GSTA2: variants seen among roughly 807,000 people sequenced by gnomAD.
GSTA2 encodes the protein glutathione S-transferase A2.
In GSTA2, 27 loss-of-function variants were observed where a neutral mutation model predicts 22.4. The ratio of observed to expected loss-of-function variants is 1.21; its 90% CI spans 0.89 to 1.67. The LOEUF (loss-of-function observed/expected upper bound fraction) is 1.67. GSTA2 is among the 40% of genes most tolerant of loss of function. The probability of loss-of-function intolerance (pLI) is 0.00; values close to 1 mark genes in which losing one functional copy is unlikely to be tolerated. For synonymous variants in GSTA2, 121 were observed against 86.8 expected (o/e 1.39, Z -2.19); for missense variants, 302 against 260.2 (o/e 1.16, Z -1.11).
At chr6:52,751,535 G>A (rs187741040) in intron 6 of GSTA2, 42 bp downstream of exon 6, 5 of 1,613,134 alleles carry the variant, frequency 3.1e-6, no homozygotes, top group East Asian at 2.2e-5. Flanking sequence ...CCCAAGATGG[G>A]AGATGTGGGT....
intron 6 of GSTA2, among the ~76,000 whole-genome samples, chr6:52,751,003 T>G (rs73740506): frequency 0.018 from 2,718 of 152,338 alleles, 86 homozygotes; most frequent in African/African-American, 0.061. Context: ...ATGTGCTTGT[T>G]TGATATCAGC....
At chr6:52,755,245 C>G (rs1762818537) in intron 3 of GSTA2, among the ~76,000 whole-genome samples, 170 bp from the exon 4 acceptor site, 1 of 137,522 alleles carries the variant, frequency 7.3e-6, no homozygotes, top group African/African-American at 2.8e-5. Context: ...GGCAGAGTAT[C>G]ATTCTGTTGT....
chr6:52,760,076 A>G (rs991589137), intron 1 of GSTA2, among the ~76,000 whole-genome samples: 2 of 152,230 alleles, frequency 1.3e-5, no homozygotes, highest in African/African-American at 4.8e-5. Context: ...TGATAACTCC[A>G]GGAGTAAATT....
chr6:52,757,950 T>C lies in GSTA2; in HGVS notation c.-3A>G. 6.2e-7 allele frequency: 1 copy of C among 1,609,454 alleles called. No individual in the cohort carries two copies. Among genetic ancestry groups the C allele is most frequent in the Non-Finnish European group, 8.5e-7 (1 of 1,175,938 alleles). ...TGGAGCTTGGGCTTCTCTGCCATGG[T>C]AGCAGTCTCCTGGAGGTTTCTCTAA... is the stretch of plus-strand genomic sequence containing the variant. On this transcript the variant is annotated 5_prime_UTR_variant, in exon 2 of 7. Transcript: ENST00000493422.
chr6:52,754,913 G>A, intron 4 of GSTA2, 30 bp downstream of exon 4: 1 of 1,612,058 alleles, frequency 6.2e-7, no homozygotes, highest in East Asian at 2.2e-5. Flanking sequence ...TATGTTCTCT[G>A]TGGATGGAAG....
chr6:52,755,209 AAAC>A (rs1161883794), intron 3 of GSTA2, 134 bp from the exon 4 acceptor site: 21 of 1,194,674 alleles, frequency 1.8e-5, no homozygotes. Context: ...AGTTCACTTG[AAAC>A]AACTTTTTTT....
intron 1 of GSTA2, among the ~76,000 whole-genome samples, chr6:52,761,309 A>G (rs1420078205): frequency 2.0e-5 from 3 of 152,264 alleles, no homozygotes; most frequent in Middle Eastern, 3.4e-3. Context: ...TTTACCAACC[A>G]ACAATCTATG....
intron 2 of GSTA2, among the ~76,000 whole-genome samples, chr6:52,757,169 T>C (rs544335314): frequency 3.3e-4 from 34 of 103,714 alleles, no homozygotes; most frequent in African/African-American, 9.5e-4. Flanking sequence ...TAATAGGTAG[T>C]TTGTTACAAT....
chr6:52,762,608 G>A (rs546037077), intron 1 of GSTA2, among the ~76,000 whole-genome samples: 3 of 152,308 alleles, frequency 2.0e-5, no homozygotes, highest in South Asian at 4.1e-4. Flanking sequence ...AGATGGTAGA[G>A]ATAATGATCA....
intron 2 of GSTA2, among the ~76,000 whole-genome samples, chr6:52,756,990 C>T (rs1461110994): frequency 7.0e-6 from 1 of 142,754 alleles, no homozygotes; most frequent in African/African-American, 2.6e-5. Flanking sequence ...TTCTAGAAGC[C>T]TCCTCCCCTC....
In GSTA2 at chr6:52,750,647, G is replaced by C. The variant is rs1460815657; in HGVS notation, c.599C>G (p.Pro200Arg). ...NLPTVKKFLQPGSPRKPPMDE... is the reference protein window; with the variant it reads ...NLPTVKKFLQRGSPRKPPMDE... ...CATGGGAGGCTTCCTTGGGCTGCCA[G>C]GCTGTAGAAACTTCTTCACTGTGGG... Residue 200 changes from proline to arginine, a missense_variant, in exon 7 of 7, where the codon CCT becomes CGT. By Grantham distance (103) the Pro-to-Arg change is moderately radical (BLOSUM62 -2). Transcript: ENST00000493422. 1 of 1,613,422 alleles carries C rather than the reference G, an allele frequency of 6.2e-7. No homozygotes were observed. Among genetic ancestry groups the C allele is most frequent in the Non-Finnish European group, 8.5e-7 (1 of 1,179,800 alleles).
At position 52,752,844 on chromosome 6, in the gene GSTA2, C is replaced by A; in HGVS notation, c.414+10G>T. ...CTCAGTTCCCCAAAACACTGAACAG[C>A]TTCACTTACTTTTTCAAAGGCAGGG... On this transcript the variant is annotated intron_variant, in intron 5 of 6. Transcript: ENST00000493422. 6.2e-7 allele frequency: 1 copy of A among 1,613,536 alleles called. No homozygotes were observed. Among genetic ancestry groups the A allele is most frequent in the Non-Finnish European group, 8.5e-7 (1 of 1,179,610 alleles).
chr6:52,755,846 GT>G (rs1762831618), intron 3 of GSTA2, among the ~76,000 whole-genome samples: 1 of 151,854 alleles, frequency 6.6e-6, no homozygotes, highest in Non-Finnish European at 1.5e-5. Context: ...GTGTTACCCA[GT>G]CCCACTCCCC....
chr6:52,754,906 G>T, intron 4 of GSTA2, 37 bp downstream of exon 4: 2 of 1,611,808 alleles, frequency 1.2e-6, no homozygotes, highest in Non-Finnish European at 1.7e-6. Context: ...ATCACTCTAT[G>T]TTCTCTGTGG....
At chr6:52,754,360 T>C (rs1372259959) in intron 4 of GSTA2, among the ~76,000 whole-genome samples, 1 of 152,228 alleles carries the variant, frequency 6.6e-6, no homozygotes, top group Non-Finnish European at 1.5e-5. Context: ...AGGAGACCCC[T>C]TGGCTTTGCT....
chr6:52,752,476 A>G (rs1031128825), intron 5 of GSTA2, among the ~76,000 whole-genome samples: 11 of 152,292 alleles, frequency 7.2e-5, no homozygotes, highest in African/African-American at 2.4e-4. Flanking sequence ...ATGGTGCCAG[A>G]ATGTTTTCTG....
Position 52,750,643 on chromosome 6 carries a change from G to T in GSTA2, c.603C>A (p.Gly201=). Residue 201 remains glycine, a synonymous_variant, in exon 7 of 7, where the codon GGC becomes GGA. Coordinates refer to ENST00000493422, the MANE Select transcript of GSTA2 (RefSeq NM_000846.5). ...LPTVKKFLQP[G]SPRKPPMDEK... is the part of the protein sequence containing the mutation. Reference sequence around the variant, plus strand: ...CATCCATGGGAGGCTTCCTTGGGCTGCCAGGCTGTAGAAACTTCTTCACTG... The same window carrying T: ...CATCCATGGGAGGCTTCCTTGGGCTTCCAGGCTGTAGAAACTTCTTCACTG... 6.2e-7 allele frequency: 1 copy of T among 1,613,542 alleles called. No individual in the cohort carries two copies. Among genetic ancestry groups the T allele is most frequent in the South Asian group, 1.1e-5 (1 of 91,060 alleles).
intron 3 of GSTA2, among the ~76,000 whole-genome samples, chr6:52,755,732 C>A (rs2127287580): frequency 6.6e-6 from 1 of 151,684 alleles, no homozygotes; most frequent in East Asian, 1.9e-4. Context: ...ACAGGATGTT[C>A]CCAGAGTAAG....
rs1185327042 is a variant in GSTA2, at chr6:52,755,051, A to C, written c.164T>G (p.Val55Gly). ...CATCCCATCAATCTCAACCATTGGC[A>C]CTTGCTGGAACATCAAATATCCATC... ...RNDGYLMFQQVPMVEIDGMKL... is the reference protein window; with the variant it reads ...RNDGYLMFQQGPMVEIDGMKL... Residue 55 changes from valine to glycine, a missense_variant, in exon 4 of 7, where the codon GTG becomes GGG. Physicochemically the swap from Val to Gly is moderately radical, Grantham distance 109. Coordinates refer to ENST00000493422, the MANE Select transcript of GSTA2 (RefSeq NM_000846.5). 2 of 1,614,142 alleles carry C rather than the reference A, an allele frequency of 1.2e-6. No homozygotes were observed. Among genetic ancestry groups the C allele is most frequent in the Non-Finnish European group, 1.7e-6 (2 of 1,180,024 alleles).
Sources: gnomAD v4.1 joint callset for allele counts (sites outside exome capture counted in the v4.1 genomes callset) on GRCh38, gnomAD v4.1.1 for gene constraint, MANE v1.5 for transcripts, NCBI Gene and HGNC (gene_info 2026-07-23, HGNC 2026-07-21) for gene names.